Variants in COL4A1 observed in about 807,000 individuals in gnomAD.
The protein encoded by COL4A1 is collagen alpha-1(IV) chain.
COL4A1 carries 40 observed loss-of-function variants against 216.6 expected under a neutral mutation model. That is an observed-to-expected ratio of 0.18 (90% CI 0.14 to 0.24). The LOEUF is 0.24. Among genes scored for constraint, COL4A1 ranks in the 10% least tolerant of loss-of-function variants. The pLI is 1.00. For synonymous variants in COL4A1, 839 were observed against 810.7 expected (o/e 1.03, Z -0.59); for missense variants, 1,628 against 2,196.8 (o/e 0.74, Z 5.18).
At chr13:110,222,160 G>A (rs1880513852) in intron 2 of COL4A1, among the ~76,000 whole-genome samples, 1 of 152,000 alleles carries the variant, frequency 6.6e-6, no homozygotes, top group African/African-American at 2.4e-5. Flanking sequence ...CAGCACATTC[G>A]AGAGCGCTGC....
At position 110,294,738 on chromosome 13, in the gene COL4A1, T is replaced by C. The variant is rs74124080; in HGVS notation, c.84+12206A>G. Among the ~76,000 whole-genome samples the C allele has an allele frequency of 5.1e-3, 777 of 152,328 alleles. 10 individuals are homozygous for C. The highest frequency in any genetic ancestry group is 0.018 in the African/African-American group (748 of 41,582). The stretch of plus-strand genomic sequence containing the variant: ...ATCCCTAAAATAGCAGAGAGGGATA[T>C]CCTTTTAAATAATTTCTAGTTCAGC... On this transcript the variant is annotated intron_variant, in intron 1 of 51. Transcript: ENST00000375820.
Position 110,183,117 on chromosome 13 carries a change from C to G in COL4A1, c.1991-20G>C. On this transcript the variant is annotated intron_variant, in intron 27 of 51. Transcript: ENST00000375820. ...GGTCTCCTGTGGTGAGAAAGACCAA[C>G]AGTCAGCGTGAGAAAAACGTGAGGA... 6.2e-7 allele frequency: 1 copy of G among 1,612,344 alleles called. No homozygotes were observed. The highest frequency in any genetic ancestry group is 8.5e-7 in the Non-Finnish European group (1 of 1,179,292).
intron 22 of COL4A1, 64 bp downstream of exon 22, chr13:110,194,959 G>T: frequency 6.9e-7 from 1 of 1,448,456 alleles, no homozygotes; most frequent in Non-Finnish European, 9.7e-7. Flanking sequence ...AAGCCGGTAA[G>T]TATGTGGGAA....
intron 2 of COL4A1, among the ~76,000 whole-genome samples, chr13:110,221,076 G>A (rs1880456417): frequency 6.6e-6 from 1 of 152,208 alleles, no homozygotes; most frequent in African/African-American, 2.4e-5. Flanking sequence ...AAATCCTGAT[G>A]TTGAAACATT....
In COL4A1 at chr13:110,278,540, A is replaced by ATT. The variant is rs560454967; in HGVS notation, c.84+28402_84+28403dup. 2.3e-4 allele frequency among the ~76,000 whole-genome samples: 35 copies of ATT among 152,296 alleles called. No homozygotes were observed. The East Asian group carries it at 2.9e-3, about 13-fold the overall frequency. On this transcript the variant is annotated intron_variant, in intron 1 of 51. Transcript: ENST00000375820. ...CATCCATTCATTCATTCTTCTAATC[A>ATT]TTATATATATATACACATATATACA... is the stretch of plus-strand genomic sequence containing the variant.
chr13:110,186,306 G>A, intron 26 of COL4A1, 79 bp downstream of exon 26: 1 of 1,576,442 alleles, frequency 6.3e-7, no homozygotes, highest in Non-Finnish European at 8.7e-7. Flanking sequence ...CGAACCCCAG[G>A]CCTCTGTGTG....
intron 21 of COL4A1, among the ~76,000 whole-genome samples, chr13:110,198,078 G>GGTGTGTGTGTGTGTGTGTGTGT (rs35751015): frequency 2.0e-4 from 28 of 141,924 alleles, no homozygotes; most frequent in East Asian, 1.3e-3. Context: ...TTGTTTCTGG[G>GGTGTGTGTGTGTGTGTGTGTGT]GTGTGTGTGT....
chr13:110,189,397 G>T (rs548329364), intron 24 of COL4A1, among the ~76,000 whole-genome samples: 4 of 152,318 alleles, frequency 2.6e-5, no homozygotes, highest in Non-Finnish European at 5.9e-5. Flanking sequence ...AGCCACCACT[G>T]GCCAGCAGCT....
At chr13:110,300,485 C>A (rs1241488790) in intron 1 of COL4A1, among the ~76,000 whole-genome samples, 2 of 152,210 alleles carry the variant, frequency 1.3e-5, no homozygotes, top group Non-Finnish European at 2.9e-5. Flanking sequence ...TTAATAAAAT[C>A]TTTAAACAAT....
chr13:110,166,434 C>T (rs947629804), intron 44 of COL4A1, 131 bp from the exon 45 acceptor site: 67 of 739,862 alleles, frequency 9.1e-5, no homozygotes, highest in Non-Finnish European at 1.3e-4. Flanking sequence ...TATACACACA[C>T]ATATACTCAT....
intron 18 of COL4A1, among the ~76,000 whole-genome samples, chr13:110,202,571 A>C (rs1879298654): frequency 6.6e-6 from 1 of 152,204 alleles, no homozygotes. Context: ...ATCTATAAAT[A>C]AAATGGGCTG....
At chr13:110,255,881 G>A (rs1267181094) in intron 1 of COL4A1, among the ~76,000 whole-genome samples, 1 of 68,182 alleles carries the variant, frequency 1.5e-5, no homozygotes, top group African/African-American at 5.1e-5. Flanking sequence ...AAGGCAGGAA[G>A]GGAGGGGGAA....
chr13:110,163,612 C>G, intron 46 of COL4A1, 51 bp from the exon 47 acceptor site: 1 of 1,487,974 alleles, frequency 6.7e-7, no homozygotes, highest in Non-Finnish European at 9.3e-7. Flanking sequence ...TAAGCTGTAT[C>G]TCTTTCTTCC....
intron 37 of COL4A1, 99 bp downstream of exon 37, chr13:110,175,119 T>C: frequency 2.1e-6 from 3 of 1,458,392 alleles, no homozygotes; most frequent in Non-Finnish European, 2.9e-6. Context: ...CTGTGTGTTA[T>C]GGCTCATTGA....
chr13:110,266,711 A>G (rs2139284298), intron 1 of COL4A1, among the ~76,000 whole-genome samples: 1 of 152,290 alleles, frequency 6.6e-6, no homozygotes, highest in Admixed American at 6.5e-5. Context: ...GTAAAAGAAA[A>G]TCCTTGTCCT....
At chr13:110,262,940 C>T (rs957251573) in intron 1 of COL4A1, among the ~76,000 whole-genome samples, 2 of 152,192 alleles carry the variant, frequency 1.3e-5, no homozygotes, top group Non-Finnish European at 2.9e-5. Flanking sequence ...CCAAGGACCT[C>T]GTGAGCTTAG....
chr13:110,270,944 A>G (rs1308075701), intron 1 of COL4A1, among the ~76,000 whole-genome samples: 1 of 152,176 alleles, frequency 6.6e-6, no homozygotes, highest in African/African-American at 2.4e-5. Flanking sequence ...GGAACTTCTG[A>G]TTCCAGGAAA....
intron 1 of COL4A1, among the ~76,000 whole-genome samples, chr13:110,300,462 C>G (rs903352013): frequency 4.6e-5 from 7 of 152,206 alleles, no homozygotes; most frequent in African/African-American, 9.6e-5. Flanking sequence ...TCCTTGTTTT[C>G]TAAAGCAGAA....
At chr13:110,264,401 C>T (rs1188188525) in intron 1 of COL4A1, among the ~76,000 whole-genome samples, 1 of 152,158 alleles carries the variant, frequency 6.6e-6, no homozygotes, top group Non-Finnish European at 1.5e-5. Flanking sequence ...TTGGCAACCA[C>T]CCTCCTAACC....
Sources: gnomAD v4.1 joint callset for allele counts (sites outside exome capture counted in the v4.1 genomes callset) on GRCh38, gnomAD v4.1.1 for gene constraint, MANE v1.5 for transcripts, NCBI Gene and HGNC (gene_info 2026-07-23, HGNC 2026-07-21) for gene names.